Variants in ERC2 observed in about 807,000 individuals in gnomAD.
The protein encoded by ERC2 is ELKS/RAB6-interacting/CAST family member 2.
In ERC2, 42 loss-of-function variants were observed where a neutral mutation model predicts 114.8. That is an observed-to-expected ratio of 0.37 (90% CI 0.29 to 0.47). ERC2 has a LOEUF of 0.47. ERC2 is among the 20% of genes least tolerant of loss of function. The pLI is 0.99. For missense variants in ERC2, 939 were observed against 1,150.7 expected (o/e 0.82, Z 2.66); for synonymous variants, 454 against 425.5 (o/e 1.07, Z -0.82).
intron 6 of ERC2, among the ~76,000 whole-genome samples, chr3:56,104,973 G>GTTTTA (rs377439392): frequency 0.13 from 20,351 of 151,950 alleles, 1,455 homozygotes; most frequent in East Asian, 0.15. Context: ...TAAACAGGGA[G>GTTTTA]ATCAGTGTAA....
chr3:56,285,319 A>G (rs1255182945), intron 3 of ERC2, among the ~76,000 whole-genome samples: 2 of 151,648 alleles, frequency 1.3e-5, no homozygotes, highest in Non-Finnish European at 2.9e-5. Flanking sequence ...TTATTTTGCA[A>G]TGTCTGGAGA....
chr3:56,318,884 G>T (rs1184495791), intron 2 of ERC2, among the ~76,000 whole-genome samples: 1 of 149,182 alleles, frequency 6.7e-6, no homozygotes, highest in Non-Finnish European at 1.5e-5. Context: ...GTTTGCTTGA[G>T]CCTAGGAGTC....
At chr3:55,577,291 C>T (rs2057034553) in intron 17 of ERC2, among the ~76,000 whole-genome samples, 1 of 151,894 alleles carries the variant, frequency 6.6e-6, no homozygotes, top group Non-Finnish European at 1.5e-5. Flanking sequence ...AAAAAAAATC[C>T]AAGCTGAGTG....
intron 17 of ERC2, among the ~76,000 whole-genome samples, chr3:55,670,816 C>CT (rs2061526723): frequency 6.6e-6 from 1 of 152,146 alleles, no homozygotes; most frequent in African/African-American, 2.4e-5. Context: ...TGGGTTTTAC[C>CT]TTTTTCAACA....
chr3:55,837,703 T>C (rs1209617793), intron 14 of ERC2, among the ~76,000 whole-genome samples: 2 of 151,780 alleles, frequency 1.3e-5, no homozygotes, highest in Non-Finnish European at 2.9e-5. Flanking sequence ...TGCATACCTA[T>C]GTAAAAAGCC....
intron 17 of ERC2, 141 bp downstream of exon 17, chr3:55,683,653 G>T: frequency 1.5e-6 from 1 of 675,236 alleles, no homozygotes; most frequent in South Asian, 2.0e-5. Flanking sequence ...GTCAGGGCAC[G>T]CGGACATTCT....
rs560900569 is a variant in ERC2 at position 56,179,458 on chromosome 3, T to C, written c.1075-5938A>G. On this transcript the variant is annotated intron_variant, in intron 3 of 17. Transcript: ENST00000288221. ...TTAAAGGATTACTCCCAATGTTGTA[T>C]TGCAGCATGGTTTCGGGGTGGTGGT... Among the ~76,000 whole-genome samples, 24 of 152,282 alleles carry C rather than the reference T, an allele frequency of 1.6e-4. No homozygotes were observed. The South Asian group carries it at 4.6e-3, about 29-fold the overall frequency.
chr3:55,710,667 T>C (rs1190041762), intron 15 of ERC2, among the ~76,000 whole-genome samples: 5 of 152,168 alleles, frequency 3.3e-5, no homozygotes, highest in Non-Finnish European at 7.4e-5. Context: ...TGAACAAAAA[T>C]AGATACTAAA....
intron 5 of ERC2, among the ~76,000 whole-genome samples, chr3:56,145,614 G>A (rs1257422178): frequency 1.3e-5 from 2 of 152,142 alleles, no homozygotes; most frequent in Non-Finnish European, 2.9e-5. Flanking sequence ...TCAGTTCTCA[G>A]AGACAATGTT....
At chr3:56,121,761 A>G (rs1277852351) in intron 6 of ERC2, among the ~76,000 whole-genome samples, 1 of 152,232 alleles carries the variant, frequency 6.6e-6, no homozygotes, top group Non-Finnish European at 1.5e-5. Context: ...ATGTGTATAT[A>G]TATTTTAAAC....
chr3:55,743,563 G>A (rs1439375945), intron 14 of ERC2, among the ~76,000 whole-genome samples: 2 of 128,304 alleles, frequency 1.6e-5, no homozygotes. Context: ...CATGTGTGAG[G>A]CATTGCTCAT....
chr3:56,348,856 C>T, intron 2 of ERC2, among the ~76,000 whole-genome samples: 1 of 125,282 alleles, frequency 8.0e-6, no homozygotes, highest in East Asian at 2.4e-4. Flanking sequence ...TAAGATACCA[C>T]CAAAATGAAA....
intron 6 of ERC2, among the ~76,000 whole-genome samples, chr3:56,099,491 A>G (rs1376322867): frequency 6.6e-6 from 1 of 152,174 alleles, no homozygotes; most frequent in Non-Finnish European, 1.5e-5. Flanking sequence ...TAAACCAACA[A>G]CTATGGGAGT....
chr3:56,383,305 C>A (rs988954621), intron 2 of ERC2, among the ~76,000 whole-genome samples: 1 of 152,156 alleles, frequency 6.6e-6, no homozygotes. Flanking sequence ...AAGAGCAAAA[C>A]CCAGGTCGCT....
At chr3:55,749,712 A>C (rs1010479055) in intron 14 of ERC2, among the ~76,000 whole-genome samples, 6 of 152,146 alleles carry the variant, frequency 3.9e-5, no homozygotes, top group African/African-American at 1.4e-4. Flanking sequence ...CGGGGACAAT[A>C]AGGGAATAAA....
chr3:56,211,286 G>C (rs1037244996), intron 3 of ERC2, among the ~76,000 whole-genome samples: 1 of 152,096 alleles, frequency 6.6e-6, no homozygotes, highest in African/African-American at 2.4e-5. Flanking sequence ...CAAATCAGGT[G>C]CCCTGCTATA....
chr3:55,544,566 C>G (rs895613038), intron 17 of ERC2, among the ~76,000 whole-genome samples: 4 of 152,206 alleles, frequency 2.6e-5, no homozygotes, highest in Admixed American at 2.6e-4. Flanking sequence ...TTGGTTTCCT[C>G]TCACTTACCA....
intron 17 of ERC2, among the ~76,000 whole-genome samples, chr3:55,602,769 T>C (rs2058465261): frequency 6.6e-6 from 1 of 152,168 alleles, no homozygotes. Context: ...AATGAACGCC[T>C]GATCATCTTT....
intron 3 of ERC2, among the ~76,000 whole-genome samples, chr3:56,196,613 A>G (rs139761846): frequency 4.3e-4 from 65 of 152,216 alleles, no homozygotes; most frequent in African/African-American, 1.5e-3. Flanking sequence ...CCACAAAGAC[A>G]CAAATAGATT....
Sources: allele counts gnomAD v4.1 joint callset (sites outside exome capture counted in the v4.1 genomes callset), GRCh38; gene constraint gnomAD v4.1.1; transcripts MANE v1.5; gene names NCBI Gene and HGNC (gene_info 2026-07-23, HGNC 2026-07-21).